Variants in PTPRD observed in about 807,000 individuals in gnomAD.
PTPRD encodes protein tyrosine phosphatase receptor type D, also known as receptor-type tyrosine-protein phosphatase delta.
A neutral mutation model predicts 214.5 loss-of-function variants in PTPRD; 34 were observed. The observed-to-expected ratio is 0.16, with a 90% confidence interval of 0.12 to 0.21. The LOEUF is 0.21. PTPRD is among the 10% of genes least tolerant of loss of function. The pLI, the probability that PTPRD is intolerant of heterozygous loss-of-function variation, is 1.00. For synonymous variants in PTPRD, 1,128 were observed against 845.7 expected (o/e 1.33, Z -5.79); for missense variants, 2,545 against 2,398.7 (o/e 1.06, Z -1.27).
intron 5 of PTPRD, among the ~76,000 whole-genome samples, chr9:9,911,586 AAC>A (rs746184059): frequency 6.6e-6 from 1 of 151,110 alleles, no homozygotes; most frequent in Non-Finnish European, 1.5e-5. Flanking sequence ...CATTCTGGAA[AAC>A]AATTATTTCA....
chr9:10,178,025 C>T (rs1278909131), intron 3 of PTPRD, among the ~76,000 whole-genome samples: 3 of 151,876 alleles, frequency 2.0e-5, no homozygotes, highest in African/African-American at 4.8e-5. Context: ...TTTCCTTCTT[C>T]CACTTAGTGA....
At chr9:9,428,325 A>G (rs942970969) in intron 8 of PTPRD, among the ~76,000 whole-genome samples, 1 of 152,192 alleles carries the variant, frequency 6.6e-6, no homozygotes, top group Non-Finnish European at 1.5e-5. Context: ...AGGCCATTAC[A>G]TAATGGTAAA....
chr9:9,483,600 C>T (rs1240466713), intron 8 of PTPRD, among the ~76,000 whole-genome samples: 1 of 151,938 alleles, frequency 6.6e-6, no homozygotes, highest in Non-Finnish European at 1.5e-5. Flanking sequence ...AGAAAAACAT[C>T]ACATTTTGGT....
At chr9:9,758,858 T>A (rs902296251) in intron 6 of PTPRD, among the ~76,000 whole-genome samples, 1 of 150,434 alleles carries the variant, frequency 6.6e-6, no homozygotes, top group Non-Finnish European at 1.5e-5. Flanking sequence ...AGGTTGAAGA[T>A]TTAAAATAAT....
At chr9:10,610,882 T>C (rs2080805654) in intron 2 of PTPRD, among the ~76,000 whole-genome samples, 1 of 152,144 alleles carries the variant, frequency 6.6e-6, no homozygotes, top group Non-Finnish European at 1.5e-5. Flanking sequence ...ACATCTCTAC[T>C]TTTTTGTAAT....
chr9:9,436,889 CAA>C (rs34882181), intron 8 of PTPRD, among the ~76,000 whole-genome samples: 4 of 143,996 alleles, frequency 2.8e-5, no homozygotes, highest in African/African-American at 5.1e-5. Context: ...GTTACTAAGG[CAA>C]AAAAAAAAAG....
intron 10 of PTPRD, among the ~76,000 whole-genome samples, chr9:9,108,242 T>G (rs2154446983): frequency 6.6e-6 from 1 of 152,276 alleles, no homozygotes; most frequent in East Asian, 1.9e-4. Flanking sequence ...TCTTGAATTT[T>G]TCTCCCTACC....
At chr9:9,578,983 G>A (rs1592080989) in intron 7 of PTPRD, among the ~76,000 whole-genome samples, 2 of 151,968 alleles carry the variant, frequency 1.3e-5, no homozygotes, top group African/African-American at 2.4e-5. Context: ...TTACTTTATA[G>A]ATAAAACTGA....
intron 10 of PTPRD, among the ~76,000 whole-genome samples, chr9:9,160,256 C>A (rs2099885383): frequency 6.6e-6 from 1 of 152,030 alleles, no homozygotes; most frequent in African/African-American, 2.4e-5. Flanking sequence ...GAAGAGACAG[C>A]TCACAGAACA....
intron 10 of PTPRD, among the ~76,000 whole-genome samples, chr9:9,146,788 A>C (rs1159520064): frequency 6.6e-6 from 1 of 152,174 alleles, no homozygotes; most frequent in Non-Finnish European, 1.5e-5. Flanking sequence ...ATTTTTACCA[A>C]TAAAAATGAC....
chr9:8,396,128 A>C (rs1327920666), intron 36 of PTPRD, among the ~76,000 whole-genome samples: 3 of 148,606 alleles, frequency 2.0e-5, no homozygotes, highest in African/African-American at 7.3e-5. Context: ...TCAGATGCTC[A>C]GTCTCCTCAT....
intron 9 of PTPRD, among the ~76,000 whole-genome samples, chr9:9,339,585 C>T (rs1300632200): frequency 6.6e-6 from 1 of 152,152 alleles, no homozygotes; most frequent in Non-Finnish European, 1.5e-5. Flanking sequence ...ACAGTTGTTA[C>T]ATAACACATA....
intron 3 of PTPRD, among the ~76,000 whole-genome samples, chr9:10,096,883 G>C (rs1451028687): frequency 2.0e-5 from 3 of 151,770 alleles, no homozygotes; most frequent in Non-Finnish European, 2.9e-5. Flanking sequence ...GTCTAACACT[G>C]AAGTCTTTAA....
At chr9:8,729,126 T>C (rs996099354) in intron 12 of PTPRD, among the ~76,000 whole-genome samples, 5 of 152,338 alleles carry the variant, frequency 3.3e-5, no homozygotes, top group African/African-American at 1.2e-4. Flanking sequence ...TAAATTTCTA[T>C]AGTTCCTTCC....
At chr9:8,433,547 G>C (rs991416896) in intron 35 of PTPRD, among the ~76,000 whole-genome samples, 4 of 152,138 alleles carry the variant, frequency 2.6e-5, no homozygotes, top group African/African-American at 7.2e-5. Flanking sequence ...AGAAGACAGT[G>C]ATATTGATGA....
chr9:10,041,653 C>G (rs879678329), intron 3 of PTPRD, among the ~76,000 whole-genome samples: 1 of 151,700 alleles, frequency 6.6e-6, no homozygotes, highest in Admixed American at 6.6e-5. Flanking sequence ...TCTCATCAGT[C>G]TAGGTATCAA....
At chr9:9,625,424 G>C (rs1026470075) in intron 7 of PTPRD, among the ~76,000 whole-genome samples, 6 of 152,164 alleles carry the variant, frequency 3.9e-5, no homozygotes, top group Non-Finnish European at 8.8e-5. Context: ...TGTATTAATA[G>C]CACCAGCGTC....
chr9:9,640,452 C>T (rs1054446797), intron 7 of PTPRD, among the ~76,000 whole-genome samples: 12 of 152,138 alleles, frequency 7.9e-5, no homozygotes, highest in Non-Finnish European at 1.5e-5. Context: ...TTCTGCCCTG[C>T]CAGAAGCCTC....
chr9:8,417,725 A>C lies in PTPRD; in HGVS notation c.4087-13065T>G, dbSNP rs147551988. 1.6e-4 allele frequency among the ~76,000 whole-genome samples: 24 copies of C among 152,282 alleles called. No individual in the cohort carries two copies. The East Asian group carries it at 4.6e-3, about 29-fold the overall frequency. On this transcript the variant is annotated intron_variant, in intron 35 of 45. Coordinates refer to ENST00000381196, the MANE Select transcript of PTPRD (RefSeq NM_002839.4). ...CTGTGAGAGAGACAGCTACAAGATC[A>C]AAATGTAGGCTGCCAGTGAAAGAGG...
Sources: gnomAD v4.1 joint callset for allele counts (sites outside exome capture counted in the v4.1 genomes callset) on GRCh38, gnomAD v4.1.1 for gene constraint, MANE v1.5 for transcripts, NCBI Gene and HGNC (gene_info 2026-07-23, HGNC 2026-07-21) for gene names.